TMEM132B: variants seen among roughly 807,000 people sequenced by gnomAD.
TMEM132B encodes transmembrane protein 132B.
A neutral mutation model predicts 90.8 loss-of-function variants in TMEM132B; 18 were observed. That is an observed-to-expected ratio of 0.20 (90% CI 0.14 to 0.29). The LOEUF (loss-of-function observed/expected upper bound fraction) is 0.29. Among genes scored for constraint, TMEM132B ranks in the 10% least tolerant of loss-of-function variants. The pLI is 1.00. For missense variants in TMEM132B, 1,096 were observed against 1,326.8 expected (o/e 0.83, Z 2.70); for synonymous variants, 504 against 523.3 (o/e 0.96, Z 0.50).
intron 4 of TMEM132B, among the ~76,000 whole-genome samples, chr12:125,573,158 G>A (rs1199338249): frequency 6.6e-6 from 1 of 152,142 alleles, no homozygotes; most frequent in East Asian, 1.9e-4. Flanking sequence ...GGTACTAGGT[G>A]TGCTGATTGC....
At chr12:125,471,433 G>A (rs1881716811) in intron 3 of TMEM132B, among the ~76,000 whole-genome samples, 1 of 152,218 alleles carries the variant, frequency 6.6e-6, no homozygotes, top group Non-Finnish European at 1.5e-5. Context: ...CCATACCCTT[G>A]CTTCCTTCTG....
intron 1 of TMEM132B, among the ~76,000 whole-genome samples, chr12:125,310,189 G>A (rs1876090112): frequency 2.0e-5 from 3 of 152,134 alleles, no homozygotes; most frequent in African/African-American, 7.2e-5. Context: ...CCTGTAGGAA[G>A]GAATGTCATG....
At chr12:125,429,021 A>G (rs1247710753) in intron 3 of TMEM132B, among the ~76,000 whole-genome samples, 1 of 152,220 alleles carries the variant, frequency 6.6e-6, no homozygotes, top group Admixed American at 6.5e-5. Flanking sequence ...ATAGATTTAC[A>G]GAAAAATTGG....
intron 3 of TMEM132B, among the ~76,000 whole-genome samples, chr12:125,515,485 ACT>A (rs1355847126): frequency 1.2e-4 from 7 of 60,472 alleles, no homozygotes; most frequent in African/African-American, 9.0e-4. Flanking sequence ...ACATTGTCAC[ACT>A]CACACACATA....
chr12:125,430,751 C>T (rs375396942), intron 3 of TMEM132B, among the ~76,000 whole-genome samples: 5 of 152,172 alleles, frequency 3.3e-5, no homozygotes, highest in South Asian at 2.1e-4. Context: ...ACCAGTGAGT[C>T]GGTCCTGGCT....
At chr12:125,597,288 A>G (rs1448352737) in intron 5 of TMEM132B, among the ~76,000 whole-genome samples, 1 of 152,110 alleles carries the variant, frequency 6.6e-6, no homozygotes, top group African/African-American at 2.4e-5. Flanking sequence ...TAAAAAACCC[A>G]CTGGCTGGGC....
intron 6 of TMEM132B, among the ~76,000 whole-genome samples, chr12:125,649,912 G>C (rs940700123): frequency 3.3e-5 from 5 of 152,302 alleles, no homozygotes; most frequent in African/African-American, 9.6e-5. Context: ...GGAAGGAAGG[G>C]AGAAGCCAGG....
intron 2 of TMEM132B, among the ~76,000 whole-genome samples, chr12:125,365,388 A>G (rs1842172969): frequency 6.6e-6 from 1 of 152,084 alleles, no homozygotes; most frequent in Non-Finnish European, 1.5e-5. Context: ...AAACCCTCGA[A>G]GAGAATATTA....
chr12:125,219,380 C>T (rs1364068856), intron 1 of TMEM132B, among the ~76,000 whole-genome samples: 3 of 152,160 alleles, frequency 2.0e-5, no homozygotes, highest in Non-Finnish European at 4.4e-5. Context: ...AGATTTCTTC[C>T]TATTAATCAG....
chr12:125,550,377 A>G (rs1268543367), intron 4 of TMEM132B, among the ~76,000 whole-genome samples: 1 of 152,070 alleles, frequency 6.6e-6, no homozygotes, highest in African/African-American at 2.4e-5. Context: ...AAACTCATTT[A>G]TAGTTATCCA....
At chr12:125,370,764 T>C (rs2136270219) in intron 2 of TMEM132B, among the ~76,000 whole-genome samples, 1 of 152,328 alleles carries the variant, frequency 6.6e-6, no homozygotes, top group South Asian at 2.1e-4. Flanking sequence ...GGGTGAGTAA[T>C]TAGCATTGTC....
At chr12:125,227,465 A>AT (rs1392822039) in intron 1 of TMEM132B, among the ~76,000 whole-genome samples, 1 of 152,126 alleles carries the variant, frequency 6.6e-6, no homozygotes, top group Non-Finnish European at 1.5e-5. Flanking sequence ...ATAACCTGTC[A>AT]TTTTAATGAC....
chr12:125,647,277 T>C (rs983846007), intron 6 of TMEM132B, among the ~76,000 whole-genome samples: 1 of 152,048 alleles, frequency 6.6e-6, no homozygotes, highest in African/African-American at 2.4e-5. Flanking sequence ...GGAGAAAAGG[T>C]GTCGGGCTCA....
chr12:125,566,461 C>T (rs754770950), intron 4 of TMEM132B, among the ~76,000 whole-genome samples: 1 of 152,196 alleles, frequency 6.6e-6, no homozygotes, highest in Non-Finnish European at 1.5e-5. Context: ...GATTTTCACT[C>T]GTATACCCAA....
chr12:125,467,398 C>T (rs571887515), intron 3 of TMEM132B, among the ~76,000 whole-genome samples: 183 of 152,194 alleles, frequency 1.2e-3, no homozygotes, highest in African/African-American at 4.3e-3. Flanking sequence ...CTTTCTCCTC[C>T]TTTTTCTCCT....
At chr12:125,309,373 T>G (rs1233161654) in intron 1 of TMEM132B, among the ~76,000 whole-genome samples, 1 of 152,234 alleles carries the variant, frequency 6.6e-6, no homozygotes, top group African/African-American at 2.4e-5. Flanking sequence ...TTAGTTTGGT[T>G]ATTGTGGTTA....
At chr12:125,398,151 A>C (rs538571795) in intron 2 of TMEM132B, among the ~76,000 whole-genome samples, 1 of 152,242 alleles carries the variant, frequency 6.6e-6, no homozygotes, top group African/African-American at 2.4e-5. Flanking sequence ...TGGGAGAACT[A>C]TTGGCATTGG....
At chr12:125,261,644 C>T (rs1349104098) in intron 1 of TMEM132B, among the ~76,000 whole-genome samples, 5 of 152,208 alleles carry the variant, frequency 3.3e-5, no homozygotes, top group South Asian at 2.1e-4. Flanking sequence ...GATTAACCAA[C>T]GGATTTTATT....
intron 1 of TMEM132B, among the ~76,000 whole-genome samples, chr12:125,215,545 T>C (rs1382554459): frequency 6.6e-6 from 1 of 152,154 alleles, no homozygotes; most frequent in African/African-American, 2.4e-5. Context: ...CCTCTTTTCT[T>C]TTTTTTCTTT....
Sources: allele counts gnomAD v4.1 joint callset (sites outside exome capture counted in the v4.1 genomes callset), GRCh38; gene constraint gnomAD v4.1.1; transcripts MANE v1.5; gene names NCBI Gene and HGNC (gene_info 2026-07-23, HGNC 2026-07-21).